Variants in MACIR observed in about 807,000 individuals in gnomAD.
MACIR encodes the protein macrophage immunometabolism regulator.
A neutral mutation model predicts 14.3 loss-of-function variants in MACIR; 4 were observed. The ratio of observed to expected loss-of-function variants is 0.28; its 90% CI spans 0.14 to 0.64. MACIR has a LOEUF of 0.64. MACIR is among the 30% of genes least tolerant of loss of function. MACIR has a pLI of 0.83. For synonymous variants in MACIR, 101 were observed against 102.4 expected (o/e 0.99, Z 0.08); for missense variants, 228 against 257.6 (o/e 0.89, Z 0.79).
intron 2 of MACIR, among the ~76,000 whole-genome samples, chr5:103,272,422 A>G (rs1805169102): frequency 6.7e-6 from 1 of 150,368 alleles, no homozygotes; most frequent in South Asian, 2.1e-4. Context: ...TCCTCTGCAG[A>G]TGGGACAGTG....
intron 2 of MACIR, among the ~76,000 whole-genome samples, chr5:103,275,320 C>G (rs1186810649): frequency 2.0e-5 from 3 of 152,156 alleles, no homozygotes; most frequent in Non-Finnish European, 4.4e-5. Context: ...TCCTCATACT[C>G]TAAGAATAGT....
At chr5:103,266,390 T>G (rs1691228642) in intron 2 of MACIR, among the ~76,000 whole-genome samples, 2 of 152,174 alleles carry the variant, frequency 1.3e-5, no homozygotes, top group Non-Finnish European at 2.9e-5. Flanking sequence ...ATTCTGGTTA[T>G]ATATTATCAT....
intron 2 of MACIR, among the ~76,000 whole-genome samples, chr5:103,268,192 A>ATC (rs1804996248): frequency 6.6e-6 from 1 of 152,146 alleles, no homozygotes; most frequent in African/African-American, 2.4e-5. Context: ...CTTGGGTTAG[A>ATC]TATCTATGAG....
At chr5:103,262,251 G>A (rs973894320) in intron 1 of MACIR, among the ~76,000 whole-genome samples, 14 of 152,098 alleles carry the variant, frequency 9.2e-5, no homozygotes, top group African/African-American at 3.4e-4. Flanking sequence ...TAAGACTTAA[G>A]AAACATTGTT....
rs1010476406 is a variant in MACIR, at chr5:103,277,599, C to T, written c.*1059C>T. On this transcript the variant is annotated 3_prime_UTR_variant, in exon 3 of 3. Coordinates refer to ENST00000319933, the MANE Select transcript of MACIR (RefSeq NM_033211.4). ...TTCTAGGATTAGTGTAGGAGCCTAA[C>T]GTGCTTCTACTGTTTTAATGGGTTA... is the stretch of plus-strand genomic sequence containing the variant. 2 of 166,988 alleles carry T rather than the reference C, an allele frequency of 1.2e-5. No individual in the cohort carries two copies. The allele number at this position is 166,988 out of a possible 1,614,324, so 10.3% of individuals were successfully genotyped here. A position where few individuals can be genotyped will look rare whatever the true frequency, so the allele number is the denominator to read the frequency against.
intron 1 of MACIR, among the ~76,000 whole-genome samples, chr5:103,263,522 A>G (rs1804808300): frequency 6.6e-6 from 1 of 152,142 alleles, no homozygotes; most frequent in Non-Finnish European, 1.5e-5. Flanking sequence ...TCCAGACTAA[A>G]GTTTTAGTTG....
At chr5:103,271,283 C>T (rs544005113) in intron 2 of MACIR, among the ~76,000 whole-genome samples, 1 of 152,136 alleles carries the variant, frequency 6.6e-6, no homozygotes, top group African/African-American at 2.4e-5. Flanking sequence ...GAGCCAAGGG[C>T]ATTTAGGTTA....
In MACIR at chr5:103,276,507, A is replaced by T; in HGVS notation, c.588A>T (p.Arg196=). ...LQYQLQHLTL[R]GDRVFARNNT is the part of the protein sequence containing the mutation. The stretch of plus-strand genomic sequence containing the variant: ...ACCAGCTTCAACACCTAACCCTCCG[A>T]GGGGACCGTGTGTTTGCTAGGAATA... The change falls in exon 3 of 3, where the codon CGA becomes CGT. Residue 196 remains arginine (R), a synonymous_variant. Coordinates refer to ENST00000319933, the MANE Select transcript of MACIR (RefSeq NM_033211.4). 6.2e-7 allele frequency: 1 copy of T among 1,612,466 alleles called. No individual in the cohort carries two copies.
intron 2 of MACIR, among the ~76,000 whole-genome samples, chr5:103,274,990 A>G (rs1805267857): frequency 6.6e-6 from 1 of 152,134 alleles, no homozygotes; most frequent in Non-Finnish European, 1.5e-5. Flanking sequence ...TTTCTTGTCA[A>G]TGGAGATTTC....
chr5:103,267,425 T>C (rs1317753984), intron 2 of MACIR, among the ~76,000 whole-genome samples: 1 of 152,194 alleles, frequency 6.6e-6, no homozygotes, highest in Non-Finnish European at 1.5e-5. Context: ...ATATTTTCTC[T>C]CTGTGATTGG....
chr5:103,265,253 G>T (rs984584053), intron 1 of MACIR, among the ~76,000 whole-genome samples: 1 of 151,930 alleles, frequency 6.6e-6, no homozygotes, highest in African/African-American at 2.4e-5. Flanking sequence ...CATTTGCCTC[G>T]CATCAGTCTT....
At chr5:103,268,557 C>A (rs545803118) in intron 2 of MACIR, among the ~76,000 whole-genome samples, 1 of 152,272 alleles carries the variant, frequency 6.6e-6, no homozygotes, top group East Asian at 1.9e-4. Flanking sequence ...AAGAGTGAAA[C>A]TCTTCTATCT....
chr5:103,261,052 C>T (rs555577335), intron 1 of MACIR, among the ~76,000 whole-genome samples: 2 of 152,118 alleles, frequency 1.3e-5, no homozygotes, highest in South Asian at 4.1e-4. Flanking sequence ...AGGATGACAC[C>T]ACGTGATAAG....
At chr5:103,274,211 T>C (rs1296086784) in intron 2 of MACIR, among the ~76,000 whole-genome samples, 5 of 152,174 alleles carry the variant, frequency 3.3e-5, no homozygotes, top group African/African-American at 1.2e-4. Flanking sequence ...TATTTGTTTG[T>C]TTAGCATAAA....
intron 1 of MACIR, among the ~76,000 whole-genome samples, chr5:103,263,470 G>T (rs1198081401): frequency 6.6e-6 from 1 of 152,156 alleles, no homozygotes; most frequent in Non-Finnish European, 1.5e-5. Context: ...CAGCTCCAGT[G>T]CAAGAGTTGG....
At chr5:103,271,879 T>C (rs529172738) in intron 2 of MACIR, among the ~76,000 whole-genome samples, 13 of 152,304 alleles carry the variant, frequency 8.5e-5, no homozygotes, top group African/African-American at 2.9e-4. Context: ...CTATTTTTGC[T>C]TTAAATTATA....
intron 2 of MACIR, among the ~76,000 whole-genome samples, chr5:103,271,583 T>C (rs1562549970): frequency 6.6e-6 from 1 of 152,168 alleles, no homozygotes; most frequent in African/African-American, 2.4e-5. Context: ...ATTTCAGCAA[T>C]ATAGAAGCAT....
rs1257548706 is a variant in MACIR at position 103,278,659 on chromosome 5, T to G, written c.*2119T>G. The G allele has an allele frequency of 1.2e-5, 2 of 167,038 alleles. No individual in the cohort carries two copies. The highest frequency in any genetic ancestry group is 4.8e-5 in the African/African-American group (2 of 41,462). The allele number at this position is 167,038 out of a possible 1,614,324, so 10.3% of individuals were successfully genotyped here. A position where few individuals can be genotyped will look rare whatever the true frequency, so the allele number is the denominator to read the frequency against. ...ATAGCTAAATAAAAATTTGTAGCTT[T>G]TTTTGTTTTGTTTTGTTTTTTCCTG... On this transcript the variant is annotated 3_prime_UTR_variant, in exon 3 of 3. Coordinates refer to ENST00000319933, the MANE Select transcript of MACIR (RefSeq NM_033211.4).
rs35797 is a variant in MACIR, at chr5:103,278,626, C to G, written c.*2086C>G. 2 of 166,836 alleles carry G rather than the reference C, an allele frequency of 1.2e-5. No individual in the cohort carries two copies. The highest frequency in any genetic ancestry group is 2.9e-5 in the Non-Finnish European group (2 of 68,054). The allele number at this position is 166,836 out of a possible 1,614,324, so 10.3% of individuals were successfully genotyped here. On this transcript the variant is annotated 3_prime_UTR_variant, in exon 3 of 3. Transcript: ENST00000319933. The stretch of plus-strand genomic sequence containing the variant: ...CCTGTTCTGTCCGTGTGCCTACGTT[C>G]CTTAATAATAGCTAAATAAAAATTT...
Sources: gnomAD v4.1 joint callset for allele counts (sites outside exome capture counted in the v4.1 genomes callset) on GRCh38, gnomAD v4.1.1 for gene constraint, MANE v1.5 for transcripts, NCBI Gene and HGNC (gene_info 2026-07-23, HGNC 2026-07-21) for gene names.